The following ADGRL3 variants were observed in gnomAD, a reference collection of about 807,000 sequenced individuals.
ADGRL3 encodes adhesion G protein-coupled receptor L3, also known as calcium-independent alpha-latrotoxin receptor 3.
In ADGRL3, 62 loss-of-function variants were observed where a neutral mutation model predicts 153.5. The observed-to-expected ratio is 0.40, with a 90% CI of 0.33 to 0.50. The LOEUF is 0.50. ADGRL3 is among the 20% of genes least tolerant of loss of function. ADGRL3 has a pLI of 0.47. For synonymous variants in ADGRL3, 710 were observed against 672.5 expected (o/e 1.06, Z -0.86); for missense variants, 1,641 against 1,859.4 (o/e 0.88, Z 2.16).
chr4:61,899,873 A>G (rs1207721104), intron 11 of ADGRL3, among the ~76,000 whole-genome samples: 1 of 152,142 alleles, frequency 6.6e-6, no homozygotes, highest in Non-Finnish European at 1.5e-5. Context: ...TAAGGGTACT[A>G]ATCCCAGTCA....
chr4:61,553,986 TGCCGGAGA>T (rs1193412568), intron 4 of ADGRL3, among the ~76,000 whole-genome samples: 1 of 152,008 alleles, frequency 6.6e-6, no homozygotes, highest in Non-Finnish European at 1.5e-5. Flanking sequence ...TGCTCCTACC[TGCCGGAGA>T]ACAGAGGAGA....
intron 12 of ADGRL3, among the ~76,000 whole-genome samples, chr4:61,910,240 A>C (rs2098716024): frequency 6.6e-6 from 1 of 151,900 alleles, no homozygotes. Flanking sequence ...TAATTAATAA[A>C]ACTTTAAAAA....
At chr4:61,566,546 A>G (rs1030383543) in intron 4 of ADGRL3, among the ~76,000 whole-genome samples, 1 of 152,144 alleles carries the variant, frequency 6.6e-6, no homozygotes, top group Non-Finnish European at 1.5e-5. Flanking sequence ...ATTTTAAGAT[A>G]TTTTTAAAAT....
chr4:61,852,033 A>G (rs2098210691), intron 9 of ADGRL3, among the ~76,000 whole-genome samples: 1 of 152,182 alleles, frequency 6.6e-6, no homozygotes, highest in Non-Finnish European at 1.5e-5. Flanking sequence ...AAGCAAATCA[A>G]AATTTAGATC....
At chr4:61,866,842 A>C (rs1264663117) in intron 9 of ADGRL3, among the ~76,000 whole-genome samples, 2 of 152,170 alleles carry the variant, frequency 1.3e-5, no homozygotes, top group Non-Finnish European at 2.9e-5. Context: ...TGTCACATCA[A>C]TCAATCCTCC....
At chr4:61,454,116 G>A (rs1006412771) in intron 2 of ADGRL3, among the ~76,000 whole-genome samples, 1 of 152,020 alleles carries the variant, frequency 6.6e-6, no homozygotes, top group Non-Finnish European at 1.5e-5. Flanking sequence ...AAAGGGCTCA[G>A]CACAGTGCGT....
intron 4 of ADGRL3, among the ~76,000 whole-genome samples, chr4:61,581,313 C>A (rs557952795): frequency 2.0e-5 from 3 of 151,928 alleles, no homozygotes; most frequent in Non-Finnish European, 2.9e-5. Flanking sequence ...GGTGCACGTG[C>A]ACGGTAGCTG....
chr4:61,796,088 G>T (rs915339724), intron 8 of ADGRL3, among the ~76,000 whole-genome samples: 1 of 152,086 alleles, frequency 6.6e-6, no homozygotes, highest in Non-Finnish European at 1.5e-5. Flanking sequence ...TGATTCACCT[G>T]CCTCAGCTTC....
intron 1 of ADGRL3, among the ~76,000 whole-genome samples, chr4:61,381,471 A>G (rs1432126369): frequency 6.6e-6 from 1 of 151,918 alleles, no homozygotes; most frequent in African/African-American, 2.4e-5. Flanking sequence ...ATTGTAGTGT[A>G]GCTTTCAACA....
At chr4:61,980,988 G>T (rs1368126380) in intron 18 of ADGRL3, among the ~76,000 whole-genome samples, 1 of 152,110 alleles carries the variant, frequency 6.6e-6, no homozygotes, top group Non-Finnish European at 1.5e-5. Flanking sequence ...ACTCCTTTGG[G>T]TAAAACCAGG....
At chr4:61,430,446 A>G (rs895365267) in intron 2 of ADGRL3, among the ~76,000 whole-genome samples, 6 of 152,228 alleles carry the variant, frequency 3.9e-5, no homozygotes, top group African/African-American at 1.4e-4. Flanking sequence ...ATAAAAGTAT[A>G]TCAATGACAT....
At chr4:61,475,117 C>T (rs77344497) in intron 2 of ADGRL3, among the ~76,000 whole-genome samples, 4,326 of 152,210 alleles carry the variant, frequency 0.028, 208 homozygotes, top group African/African-American at 0.099. Context: ...ACATTCTGAA[C>T]GGAGTTATCC....
At chr4:61,920,258 CTATTAAGGTAATTA>C (rs2098762675) in intron 13 of ADGRL3, among the ~76,000 whole-genome samples, 3 of 152,110 alleles carry the variant, frequency 2.0e-5, no homozygotes, top group South Asian at 4.1e-4. Flanking sequence ...GATTACATAG[CTATTAAGGTAATTA>C]TATTAAGGTA....
intron 12 of ADGRL3, among the ~76,000 whole-genome samples, chr4:61,910,891 GT>G (rs5858742): frequency 0.93 from 137,483 of 147,658 alleles, 64,229 homozygotes; most frequent in East Asian, 0.99. Context: ...CTGGCAAACA[GT>G]TTTTTTTTTT....
At chr4:61,298,377 C>T (rs777733485) in intron 1 of ADGRL3, among the ~76,000 whole-genome samples, 11 of 152,184 alleles carry the variant, frequency 7.2e-5, no homozygotes, top group Non-Finnish European at 1.5e-4. Context: ...GTGCTGCTTG[C>T]TCAATTGTGC....
intron 2 of ADGRL3, among the ~76,000 whole-genome samples, chr4:61,472,625 A>C (rs947763129): frequency 6.6e-6 from 1 of 152,050 alleles, no homozygotes; most frequent in Non-Finnish European, 1.5e-5. Context: ...AGTTCTGCTC[A>C]GTCTGAAGAG....
intron 6 of ADGRL3, among the ~76,000 whole-genome samples, chr4:61,708,272 T>G (rs2095890751): frequency 6.6e-6 from 1 of 152,178 alleles, no homozygotes; most frequent in East Asian, 1.9e-4. Flanking sequence ...ATTGTCTCAT[T>G]CTAGTGAAGT....
At chr4:62,004,357 T>C (rs2099150608) in intron 21 of ADGRL3, among the ~76,000 whole-genome samples, 1 of 151,940 alleles carries the variant, frequency 6.6e-6, no homozygotes, top group Admixed American at 6.6e-5. Flanking sequence ...GAACAGTAAA[T>C]CTAGCTCTGA....
At chr4:61,477,862 G>T (rs1282165332) in intron 2 of ADGRL3, among the ~76,000 whole-genome samples, 2 of 151,824 alleles carry the variant, frequency 1.3e-5, no homozygotes, top group Admixed American at 6.6e-5. Flanking sequence ...TTTTACTACA[G>T]AATTTGTGGA....
Sources: gnomAD v4.1 joint callset for allele counts (sites outside exome capture counted in the v4.1 genomes callset) on GRCh38, gnomAD v4.1.1 for gene constraint, MANE v1.5 for transcripts, NCBI Gene and HGNC (gene_info 2026-07-23, HGNC 2026-07-21) for gene names.